The following CDC25A variants were observed in gnomAD, a reference collection of about 807,000 sequenced individuals.
CDC25A encodes cell division cycle 25A, also known as M-phase inducer phosphatase 1.
A neutral mutation model predicts 64.6 loss-of-function variants in CDC25A; 17 were observed. The ratio of observed to expected loss-of-function variants is 0.26; its 90% CI spans 0.18 to 0.39. The LOEUF (loss-of-function observed/expected upper bound fraction) is 0.39, where lower values mean the gene tolerates loss of function less well. Ranked by LOEUF, CDC25A falls within the 10% of genes least tolerant of loss-of-function variation. CDC25A has a pLI of 1.00. For synonymous variants in CDC25A, 229 were observed against 238.6 expected (o/e 0.96, Z 0.37); for missense variants, 473 against 654.8 (o/e 0.72, Z 3.03).
At chr3:48,171,748 C>A (rs1015687538) in intron 9 of CDC25A, among the ~76,000 whole-genome samples, 1 of 152,104 alleles carries the variant, frequency 6.6e-6, no homozygotes, top group Non-Finnish European at 1.5e-5. Context: ...AATGTTCTTG[C>A]CCTTATAACC....
chr3:48,176,558 T>TATATATATATAA (rs1491490773), intron 8 of CDC25A, among the ~76,000 whole-genome samples: 2 of 134,652 alleles, frequency 1.5e-5, no homozygotes, highest in African/African-American at 5.5e-5. Flanking sequence ...TATATATATA[T>TATATATATATAA]AAAATATATA....
chr3:48,184,682 A>C lies in CDC25A; in HGVS notation c.261T>G (p.Asp87Glu), dbSNP rs749046270. ...CTTTACTGTCCAATGGCCCAGGAGAATCTAGACAGAAACCTATGGGGAAAA... is the reference window on the plus strand; with the variant it reads ...CTTTACTGTCCAATGGCCCAGGAGACTCTAGACAGAAACCTATGGGGAAAA... ...SESTDSGFCL[D>E]SPGPLDSKEN... The change falls in exon 3 of 15, where the codon GAT (aspartate) becomes GAG (glutamate). Residue 87 changes from aspartate to glutamate, a missense_variant. Asp to Glu is a conservative substitution (Grantham distance 45, BLOSUM62 2). Transcript: ENST00000302506. The C allele has an allele frequency of 3.1e-6, 5 of 1,591,196 alleles. No individual in the cohort carries two copies. Among genetic ancestry groups the C allele is most frequent in the Non-Finnish European group, 4.3e-6 (5 of 1,171,844 alleles).
intron 12 of CDC25A, among the ~76,000 whole-genome samples, chr3:48,165,030 A>C (rs2106698151): frequency 6.7e-6 from 1 of 149,178 alleles, no homozygotes; most frequent in Middle Eastern, 3.5e-3. Context: ...GAATTGCTTG[A>C]ACCCAGGAGG....
In CDC25A at chr3:48,158,818, C is replaced by G; in HGVS notation, c.*127G>C. 1.7e-6 allele frequency: 2 copies of G among 1,182,424 alleles called. No individual in the cohort carries two copies. The highest frequency in any genetic ancestry group is 2.2e-5 in the Admixed American group (1 of 46,162). 73.2% of individuals were successfully genotyped at this position (1,182,424 alleles called of 1,614,324 possible). On this transcript the variant is annotated 3_prime_UTR_variant, in exon 15 of 15. Transcript: ENST00000302506. Reference sequence around the variant, plus strand: ...GGGAGTGTGGGAGGTAGGTTTAAGGCATGGAAGTCCCAGGCCCCCTCTCCA... The same window carrying G: ...GGGAGTGTGGGAGGTAGGTTTAAGGGATGGAAGTCCCAGGCCCCCTCTCCA...
intron 9 of CDC25A, among the ~76,000 whole-genome samples, chr3:48,171,382 C>CT (rs908598235): frequency 3.9e-3 from 527 of 136,428 alleles, no homozygotes; most frequent in South Asian, 6.0e-3. Flanking sequence ...AATGAATATT[C>CT]TTTTTTTTTT....
At chr3:48,159,230 GATAC>G in intron 14 of CDC25A, 110 bp downstream of exon 14, 1 of 1,261,098 alleles carries the variant, frequency 7.9e-7, no homozygotes, top group Non-Finnish European at 1.1e-6. Flanking sequence ...GGGTTCAGCA[GATAC>G]CCACCTTGTC....
chr3:48,161,775 T>G (rs2031776019), intron 13 of CDC25A, among the ~76,000 whole-genome samples: 1 of 151,990 alleles, frequency 6.6e-6, no homozygotes, highest in South Asian at 2.1e-4. Context: ...TGTGTGTATG[T>G]GTGTCCAGAT....
chr3:48,183,035 C>G lies in CDC25A; in HGVS notation c.328-5G>C. ...ACTACATCCCAACAGCTTCTGCTAT[C>G]AAAGTAAAAAAGGAAAATAATTAAG... On this transcript the variant is annotated splice_polypyrimidine_tract_variant and splice_region_variant and intron_variant, in intron 4 of 14. Transcript: ENST00000302506. 6.3e-7 allele frequency: 1 copy of G among 1,593,242 alleles called. No homozygotes were observed. The highest frequency in any genetic ancestry group is 1.1e-5 in the South Asian group (1 of 90,110).
chr3:48,174,440 C>G lies in CDC25A; in HGVS notation c.774G>C (p.Leu258=). 1 of 1,610,258 alleles carries G rather than the reference C, an allele frequency of 6.2e-7. No individual in the cohort carries two copies. ...RTTNLDNRCK[L]FDSPSLCSSS... is the part of the protein sequence containing the mutation. ...AGCTACACAGGGAAGGGGAGTCAAA[C>G]AGCTTGCATCGGTTGTCCTTACAGG... The change falls in exon 9 of 15, where the codon CTG becomes CTC. Residue 258 remains leucine, a synonymous_variant. Coordinates refer to ENST00000302506, the MANE Select transcript of CDC25A (RefSeq NM_001789.3).
rs1371823897 is a variant in CDC25A, at chr3:48,167,871, C to A, written c.1004G>T (p.Arg335Met). The stretch of plus-strand genomic sequence containing the variant: ...CTTGGAGAAGTCTCCTATAAGGTCC[C>A]TTGGGTCATTGTCCAAAATGTTCTC... The part of the protein sequence containing the change: ...TIENILDNDP[R>M]DLIGDFSKGY... The change falls in exon 10 of 15, where the codon AGG becomes ATG. Residue 335 changes from arginine (R) to methionine (M), a missense_variant. By Grantham distance (91) the Arg-to-Met change is moderately conservative. This residue lies in a region of CDC25A where 376 missense variants were observed against 431.9 expected (regional missense o/e 0.87). Coordinates refer to ENST00000302506, the MANE Select transcript of CDC25A (RefSeq NM_001789.3). 1 of 1,604,814 alleles carries A rather than the reference C, an allele frequency of 6.2e-7. No homozygotes were observed.
In CDC25A at chr3:48,184,625, T is replaced by C. The variant is rs750757426; in HGVS notation, c.290+28A>G. On this transcript the variant is annotated intron_variant, in intron 3 of 14. Coordinates refer to ENST00000302506, the MANE Select transcript of CDC25A (RefSeq NM_001789.3). ...AGTTTAGACACGTTTTTTCTACATA[T>C]AAACATTTGAAAGCAGTGAATACAT... is the stretch of plus-strand genomic sequence containing the variant. The C allele has an allele frequency of 3.3e-6, 5 of 1,529,260 alleles. No individual in the cohort carries two copies. In the Admixed American group the frequency reaches 7.7e-5, roughly 24 times the overall value. 94.7% of individuals were successfully genotyped at this position (1,529,260 alleles called of 1,614,324 possible).
chr3:48,177,851 T>C lies in CDC25A; in HGVS notation c.684+3A>G, dbSNP rs1350022496. On this transcript the variant is annotated splice_donor_region_variant and intron_variant, in intron 7 of 14. Transcript: ENST00000302506. ...TAGGAACACACACACACACACACGG[T>C]ACCTTCAGATTCTCTCCATCGAGAA... 4.3e-6 allele frequency: 7 copies of C among 1,613,356 alleles called. No individual in the cohort carries two copies. The Admixed American group carries it at 8.3e-5, about 19-fold the overall frequency.
chr3:48,177,333 C>T (rs1302509687), intron 8 of CDC25A, 38 bp downstream of exon 8: 2 of 1,503,756 alleles, frequency 1.3e-6, no homozygotes, highest in Non-Finnish European at 1.9e-6. Context: ...GTGCCCCAAT[C>T]ACGCAGGGCT....
At chr3:48,183,943 C>T (rs2032757616) in intron 3 of CDC25A, 107 bp from the exon 4 acceptor site, 1 of 642,726 alleles carries the variant, frequency 1.6e-6, no homozygotes, top group Non-Finnish European at 2.7e-6. Context: ...CAGTCACAGA[C>T]TCCCATTTTA....
In CDC25A at chr3:48,176,237, G is replaced by T. The variant is rs574335897; in HGVS notation, c.756+1134C>A. The stretch of plus-strand genomic sequence containing the variant: ...CATTTGTTCTGTAATTATAGTTCAG[G>T]TTATTGAGAATTAAAAAATATGAAC... On this transcript the variant is annotated intron_variant, in intron 8 of 14. Coordinates refer to ENST00000302506, the MANE Select transcript of CDC25A (RefSeq NM_001789.3). Among the ~76,000 whole-genome samples the T allele has an allele frequency of 2.6e-5, 4 of 152,140 alleles. No individual in the cohort carries two copies. In the South Asian group the frequency reaches 8.3e-4, roughly 32 times the overall value.
intron 6 of CDC25A, 62 bp from the exon 7 acceptor site, chr3:48,178,050 G>A: frequency 6.8e-7 from 1 of 1,469,550 alleles, no homozygotes; most frequent in Non-Finnish European, 9.3e-7. Context: ...TTCCTTGAAT[G>A]GGTCACTAGT....
At chr3:48,178,572 T>A (rs1301464927) in intron 6 of CDC25A, among the ~76,000 whole-genome samples, 9 of 152,216 alleles carry the variant, frequency 5.9e-5, no homozygotes, top group Admixed American at 5.2e-4. Context: ...AATAGAAGCC[T>A]CACAATACAC....
chr3:48,164,399 G>A lies in CDC25A; in HGVS notation c.1230C>T (p.Asp410=). 6.2e-7 allele frequency: 1 copy of A among 1,600,068 alleles called. No homozygotes were observed. The part of the protein sequence containing the change: ...VNLHMEEEVE[D]FLLKKPIVPT... ...GTACAATGGGCTTCTTCAATAAGAA[G>A]TCTTCAACCTCTTCTTCCATGTGCA... Residue 410 remains aspartate (D), a synonymous_variant, in exon 13 of 15, where the codon GAC becomes GAT. Transcript: ENST00000302506.
At chr3:48,176,805 T>C (rs1329702056) in intron 8 of CDC25A, among the ~76,000 whole-genome samples, 1 of 151,328 alleles carries the variant, frequency 6.6e-6, no homozygotes, top group African/African-American at 2.4e-5. Flanking sequence ...ACCCCGTCTC[T>C]ACTGAAAATA....
Sources: gnomAD v4.1 joint callset for allele counts (sites outside exome capture counted in the v4.1 genomes callset) on GRCh38, gnomAD v4.1.1 for gene constraint, gnomAD v4.1.1 regional missense constraint, MANE v1.5 for transcripts, NCBI Gene and HGNC (gene_info 2026-07-23, HGNC 2026-07-21) for gene names.